Variants in C8A observed in about 807,000 individuals in gnomAD.
C8A encodes the protein complement component C8 alpha chain.
A neutral mutation model predicts 65.3 loss-of-function variants in C8A; 67 were observed. The observed-to-expected ratio is 1.03, with a 90% CI of 0.84 to 1.26. The LOEUF is 1.26. Ranked by LOEUF, C8A falls within the 50% of genes most tolerant of loss-of-function variation. The pLI is 0.00. For synonymous variants in C8A, 290 were observed against 259.4 expected (o/e 1.12, Z -1.13); for missense variants, 781 against 723.9 (o/e 1.08, Z -0.90).
Position 56,885,880 on chromosome 1 carries a change from T to G in C8A, c.856-47T>G, listed in dbSNP as rs555688426. On this transcript the variant is annotated intron_variant, in intron 6 of 10. Transcript: ENST00000361249. ...TTGCATTATTTCTAATGGTAAAATA[T>G]ATGCTCTCTTTGTTCTTTTGCTTTA... The G allele has an allele frequency of 9.9e-6, 16 of 1,612,790 alleles. No homozygotes were observed. The Middle Eastern group carries it at 5.0e-4, about 50-fold the overall frequency.
chr1:56,863,501 G>A (rs1005715524), intron 1 of C8A, among the ~76,000 whole-genome samples: 1 of 152,140 alleles, frequency 6.6e-6, no homozygotes, highest in Admixed American at 6.5e-5. Context: ...CCTCTGGTTT[G>A]ACACATAATG....
intron 9 of C8A, among the ~76,000 whole-genome samples, chr1:56,911,567 C>G (rs528179875): frequency 3.3e-5 from 5 of 152,192 alleles, no homozygotes; most frequent in Non-Finnish European, 5.9e-5. Context: ...TTGGTTTTCA[C>G]AACTGGAAGG....
At chr1:56,903,584 C>G (rs1356136614) in intron 7 of C8A, among the ~76,000 whole-genome samples, 1 of 152,136 alleles carries the variant, frequency 6.6e-6, no homozygotes, top group Non-Finnish European at 1.5e-5. Flanking sequence ...ACTGACTTAG[C>G]CTTGGCTTCT....
At chr1:56,881,771 C>A in intron 5 of C8A, 137 bp downstream of exon 5, 1 of 795,240 alleles carries the variant, frequency 1.3e-6, no homozygotes, top group Non-Finnish European at 2.1e-6. Flanking sequence ...TCCTTCATAC[C>A]CATCCCCACA....
At position 56,885,969 on chromosome 1, in the gene C8A, C is replaced by T. The variant is rs1319210319; in HGVS notation, c.898C>T (p.His300Tyr). ...AATCTTCACAAAGGTGCAGACTGCA[C>T]ATTTTAAGATGAGGAAGGATGACAT... ...TRIFTKVQTA[H>Y]FKMRKDDIML... Residue 300 changes from histidine to tyrosine, a missense_variant, in exon 7 of 11, where the codon CAT (histidine) becomes TAT (tyrosine). His to Tyr is a moderately conservative substitution (Grantham distance 83, BLOSUM62 2). Coordinates refer to ENST00000361249, the MANE Select transcript of C8A (RefSeq NM_000562.3). The T allele has an allele frequency of 5.0e-6, 8 of 1,613,820 alleles. No individual in the cohort carries two copies. The African/African-American group carries it at 6.7e-5, about 13-fold the overall frequency.
chr1:56,906,118 AAG>A (rs1644462332), intron 7 of C8A, among the ~76,000 whole-genome samples: 1 of 152,168 alleles, frequency 6.6e-6, no homozygotes, highest in African/African-American at 2.4e-5. Flanking sequence ...GATCTGGACA[AAG>A]AGAATTGTGA....
chr1:56,884,124 A>T (rs560184701), intron 6 of C8A, among the ~76,000 whole-genome samples: 2 of 151,986 alleles, frequency 1.3e-5, no homozygotes, highest in African/African-American at 4.8e-5. Context: ...TTAAGTGCCT[A>T]TTATCCTGGG....
At chr1:56,855,246 G>T (rs1643962601) in intron 1 of C8A, among the ~76,000 whole-genome samples, 1 of 152,242 alleles carries the variant, frequency 6.6e-6, no homozygotes, top group African/African-American at 2.4e-5. Flanking sequence ...AGTTTCCCTA[G>T]CTGTAAAATG....
intron 1 of C8A, among the ~76,000 whole-genome samples, chr1:56,863,340 G>A (rs1261760739): frequency 2.0e-5 from 3 of 152,128 alleles, no homozygotes; most frequent in Admixed American, 1.3e-4. Context: ...TTTAATGAAT[G>A]GTCCTGGTGT....
chr1:56,862,221 A>G lies in C8A; in HGVS notation c.78-5388A>G, dbSNP rs2101189782. Among the ~76,000 whole-genome samples the G allele has an allele frequency of 2.0e-5, 3 of 152,278 alleles. No homozygotes were observed. The South Asian group carries it at 6.2e-4, about 32-fold the overall frequency. ...CATATTCAAAATAGTCTTGCAAACG[A>G]TTTTCCCTGTTTTATAGCTATAAGA... On this transcript the variant is annotated intron_variant, in intron 1 of 10. Transcript: ENST00000361249.
At chr1:56,860,835 C>T (rs191866181) in intron 1 of C8A, among the ~76,000 whole-genome samples, 66 of 152,214 alleles carry the variant, frequency 4.3e-4, no homozygotes, top group South Asian at 2.1e-4. Flanking sequence ...GAAGAAAGAC[C>T]GGACTGCACT....
At chr1:56,897,645 T>A (rs1307542817) in intron 7 of C8A, among the ~76,000 whole-genome samples, 1 of 152,150 alleles carries the variant, frequency 6.6e-6, no homozygotes, top group Non-Finnish European at 1.5e-5. Context: ...TTAATCAAAG[T>A]CCCTTAAATT....
Position 56,908,044 on chromosome 1 carries a change from C to G in C8A, c.1311C>G (p.Asn437Lys), listed in dbSNP as rs758920137. 9 of 1,614,126 alleles carry G rather than the reference C, an allele frequency of 5.6e-6. No homozygotes were observed. The Admixed American group carries it at 1.2e-4, about 21-fold the overall frequency. ...SSGWSGGLAQNRSTITYRSWG... is the reference protein window; with the variant it reads ...SSGWSGGLAQKRSTITYRSWG... The stretch of plus-strand genomic sequence containing the variant: ...GCTGGAGCGGTGGCTTGGCACAGAA[C>G]AGGAGCACCATTACATACCGTTCCT... Residue 437 changes from asparagine (N) to lysine (K), a missense_variant, in exon 9 of 11, where the codon AAC becomes AAG. Asn to Lys is a moderately conservative substitution (Grantham distance 94, BLOSUM62 0). Transcript: ENST00000361249.
intron 2 of C8A, 72 bp from the exon 3 acceptor site, chr1:56,874,877 C>G (rs1644182617): frequency 6.4e-7 from 1 of 1,564,978 alleles, no homozygotes; most frequent in South Asian, 1.1e-5. Context: ...TGAGCCGAAA[C>G]CAGGCTGCAC....
intron 9 of C8A, among the ~76,000 whole-genome samples, chr1:56,909,200 G>A (rs986615394): frequency 1.3e-5 from 2 of 152,216 alleles, no homozygotes; most frequent in Non-Finnish European, 2.9e-5. Flanking sequence ...CATATGTGGT[G>A]TAGTCCATTT....
At chr1:56,878,916 A>C (rs367629632) in intron 4 of C8A, among the ~76,000 whole-genome samples, 64 of 152,338 alleles carry the variant, frequency 4.2e-4, no homozygotes, top group South Asian at 3.5e-3. Context: ...CATGCTATAC[A>C]TATTGTCTGC....
At chr1:56,892,345 T>G (rs1644353157) in intron 7 of C8A, among the ~76,000 whole-genome samples, 1 of 152,122 alleles carries the variant, frequency 6.6e-6, no homozygotes, top group African/African-American at 2.4e-5. Flanking sequence ...TCACCTAAGA[T>G]TGACAATGAT....
At chr1:56,907,835 G>A in intron 8 of C8A, 121 bp from the exon 9 acceptor site, 1 of 1,144,006 alleles carries the variant, frequency 8.7e-7, no homozygotes, top group Non-Finnish European at 1.3e-6. Flanking sequence ...AAGAGAAGAA[G>A]AATGGTAAAC....
chr1:56,885,408 TTATTTAAATATA>T (rs879795331), intron 6 of C8A, among the ~76,000 whole-genome samples: 19,708 of 127,048 alleles, frequency 0.16, 2,393 homozygotes, highest in East Asian at 0.32. Context: ...AAATATATAT[TTATTTAAATATA>T]TATTTAAATA....
Sources: gnomAD v4.1 joint callset for allele counts (sites outside exome capture counted in the v4.1 genomes callset) on GRCh38, gnomAD v4.1.1 for gene constraint, MANE v1.5 for transcripts, NCBI Gene and HGNC (gene_info 2026-07-23, HGNC 2026-07-21) for gene names.